RUNDC3A: variants seen among roughly 807,000 people sequenced by gnomAD.
RUNDC3A encodes the protein RUN domain-containing protein 3A.
A neutral mutation model predicts 53.9 loss-of-function variants in RUNDC3A; 28 were observed. The ratio of observed to expected loss-of-function variants is 0.52; its 90% confidence interval spans 0.38 to 0.71. The LOEUF is 0.71. Among genes scored for constraint, RUNDC3A ranks in the 30% least tolerant of loss-of-function variants. RUNDC3A has a pLI of 0.00. For synonymous variants in RUNDC3A, 232 were observed against 249.4 expected (o/e 0.93, Z 0.66); for missense variants, 491 against 597.3 (o/e 0.82, Z 1.85).
chr17:44,308,606 G>T lies in RUNDC3A; in HGVS notation c.-227G>T. On this transcript the variant is annotated 5_prime_UTR_variant, in exon 1 of 11. Transcript: ENST00000426726. ...CTGGAGGAGGGGGTGACGGGGCCCC[G>T]GCTCAGCACCTCGGAGAGCTCCCTC... 4.8e-6 allele frequency: 2 copies of T among 416,196 alleles called. No homozygotes were observed. Among genetic ancestry groups the T allele is most frequent in the Middle Eastern group, 6.1e-4 (1 of 1,632 alleles). The allele number at this position is 416,196 out of a possible 1,614,324, so 25.8% of individuals were successfully genotyped here.
rs546939606 is a variant in RUNDC3A at position 44,318,184 on chromosome 17, C to A, written c.1287C>A (p.Asn429Lys). ...AGTCCCTGGCGAGCTTCAAATCCAA[C>A]GAGTGCCTGGTGAGCGACAGTCCCG... ...SCKSLASFKS[N>K]ECLVSDSPEG... Residue 429 changes from asparagine to lysine, a missense_variant, in exon 11 of 11, where the codon AAC (asparagine) becomes AAA (lysine). Asn to Lys is a moderately conservative substitution (Grantham distance 94, BLOSUM62 0). Transcript: ENST00000426726. 1 of 1,551,512 alleles carries A rather than the reference C, an allele frequency of 6.4e-7. No homozygotes were observed. The highest frequency in any genetic ancestry group is 2.4e-5 in the East Asian group (1 of 40,906).
intron 1 of RUNDC3A, chr17:44,311,398 C>T: frequency 1.1e-6 from 1 of 951,748 alleles, no homozygotes; most frequent in Non-Finnish European, 1.3e-6. Flanking sequence ...CTTGACTACT[C>T]ATAAGCCATG....
chr17:44,317,735 T>C (rs2047899189), intron 10 of RUNDC3A: 3 of 614,798 alleles, frequency 4.9e-6, no homozygotes. Context: ...TCTGTGTGTC[T>C]GTCTCCCCCA....
At chr17:44,309,310 TC>T (rs1303769500) in intron 1 of RUNDC3A, among the ~76,000 whole-genome samples, 1 of 152,096 alleles carries the variant, frequency 6.6e-6, no homozygotes, top group Non-Finnish European at 1.5e-5. Context: ...ATGAATGCCC[TC>T]CAAGCATACC....
chr17:44,318,228 GC>G lies in RUNDC3A; in HGVS notation c.1335del (p.Ser446AlafsTer117). 42 of 1,550,472 alleles carry G rather than the reference GC, an allele frequency of 2.7e-5. No homozygotes were observed. The highest frequency in any genetic ancestry group is 3.7e-5 in the Non-Finnish European group (42 of 1,146,614). The part of the protein sequence containing the change: ...SDSPEGSPAL[S>X]PS ...AGTCCCGAGGGCAGCCCAGCACTGA[GC>G]CCCAGCTGAGGAACAGCATGGGCAG... is the stretch of plus-strand genomic sequence containing the variant. On this transcript the variant is annotated frameshift_variant, in exon 11 of 11. Coordinates refer to ENST00000426726, the MANE Select transcript of RUNDC3A (RefSeq NM_001144825.2). LOFTEE classifies it high-confidence loss of function.
At chr17:44,316,240 G>A (rs1017010576) in intron 8 of RUNDC3A, 145 bp from the exon 9 acceptor site, 17 of 684,376 alleles carry the variant, frequency 2.5e-5, no homozygotes, top group African/African-American at 3.6e-5. Flanking sequence ...ACTTCCTCCC[G>A]GGATCTGGCC....
In RUNDC3A at chr17:44,308,868, G is replaced by A. The variant is rs765085380; in HGVS notation, c.36G>A (p.Leu12=). 1 of 1,612,348 alleles carries A rather than the reference G, an allele frequency of 6.2e-7. No homozygotes were observed. Among genetic ancestry groups the A allele is most frequent in the South Asian group, 1.1e-5 (1 of 90,804 alleles). The change falls in exon 1 of 11, where the codon CTG becomes CTA. Residue 12 remains leucine, a synonymous_variant. Coordinates refer to ENST00000426726, the MANE Select transcript of RUNDC3A (RefSeq NM_001144825.2). ...EASFVQTTMA[L]GLSSKKASSR... ...GCTTTGTCCAGACCACCATGGCTCT[G>A]GGGCTGTCCTCCAAGAAAGCGTCCT...
At position 44,316,394 on chromosome 17, in the gene RUNDC3A, G is replaced by C; in HGVS notation, c.963G>C (p.Leu321=). Residue 321 remains leucine, a synonymous_variant, in exon 9 of 11, where the codon CTG becomes CTC. Transcript: ENST00000426726. ...ILELQEQLTG[L]IPSDHAPLAQ... ...CTCCTCCCCCTCCCAGGACAGGTCT[G>C]ATCCCCAGTGACCACGCCCCTCTGG... The C allele has an allele frequency of 1.2e-6, 2 of 1,613,382 alleles. No homozygotes were observed. Among genetic ancestry groups the C allele is most frequent in the Non-Finnish European group, 1.7e-6 (2 of 1,179,512 alleles).
At chr17:44,309,614 C>T (rs1598321268) in intron 1 of RUNDC3A, among the ~76,000 whole-genome samples, 1 of 152,082 alleles carries the variant, frequency 6.6e-6, no homozygotes, top group African/African-American at 2.4e-5. Flanking sequence ...TTCACTTCAA[C>T]CTGCAGTGAC....
rs748059251 is a variant in RUNDC3A, at chr17:44,308,791, TG to T, written c.-35del. ...GACGGGTTTGGGGCTCCGGGAGGGG[TG>T]GGGGGGCAGCGGGCGGCGGCAGCAG... On this transcript the variant is annotated 5_prime_UTR_variant, in exon 1 of 11. Transcript: ENST00000426726. 2.8e-5 allele frequency: 28 copies of T among 997,002 alleles called. No individual in the cohort carries two copies. Among genetic ancestry groups the T allele is most frequent in the East Asian group, 1.2e-4 (2 of 16,248 alleles). 61.8% of individuals were successfully genotyped at this position (997,002 alleles called of 1,614,324 possible). A position where few individuals can be genotyped will look rare whatever the true frequency, so the allele number is the denominator to read the frequency against.
intron 1 of RUNDC3A, chr17:44,311,078 T>C (rs2047740272): frequency 1.0e-6 from 1 of 985,342 alleles, no homozygotes; most frequent in Non-Finnish European, 1.2e-6. Flanking sequence ...CAAGGCCACG[T>C]GAGTGCCACA....
chr17:44,314,316 C>CG, intron 4 of RUNDC3A: 2 of 1,023,046 alleles, frequency 2.0e-6, no homozygotes, highest in Middle Eastern at 4.9e-4. Flanking sequence ...CTGGGTGTGG[C>CG]GGGGGGCATA....
At chr17:44,317,366 A>G (rs2047888435) in intron 10 of RUNDC3A, 1 of 742,644 alleles carries the variant, frequency 1.3e-6, no homozygotes, top group African/African-American at 1.7e-5. Context: ...TTTTAGTGTC[A>G]TGACATCCTC....
chr17:44,317,389 AC>A (rs2047889097), intron 10 of RUNDC3A: 3 of 767,768 alleles, frequency 3.9e-6, no homozygotes, highest in Non-Finnish European at 7.3e-6. Flanking sequence ...GGGCTCACAA[AC>A]TCTCGGGGAA....
At chr17:44,314,061 T>G (rs1447552807) in intron 4 of RUNDC3A, 2 of 992,990 alleles carry the variant, frequency 2.0e-6, no homozygotes, top group Non-Finnish European at 2.4e-6. Context: ...CGCTCCACCC[T>G]TGCACACCTC....
intron 10 of RUNDC3A, 174 bp from the exon 11 acceptor site, chr17:44,317,922 G>A (rs2047904675): frequency 1.6e-6 from 1 of 627,240 alleles, no homozygotes; most frequent in Non-Finnish European, 2.8e-6. Flanking sequence ...CCCCAGCACG[G>A]TGCCTGGCAC....
chr17:44,313,260 G>A lies in RUNDC3A; in HGVS notation c.372+8G>A, dbSNP rs1373852687. On this transcript the variant is annotated splice_region_variant and intron_variant, in intron 3 of 10. Coordinates refer to ENST00000426726, the MANE Select transcript of RUNDC3A (RefSeq NM_001144825.2). ...AGCACAGCCCGGGCCAAGGTGAGGGGCCTGAAGCAAGCAACTGCTCTCTGC... is the reference window on the plus strand; with the variant it reads ...AGCACAGCCCGGGCCAAGGTGAGGGACCTGAAGCAAGCAACTGCTCTCTGC... The A allele has an allele frequency of 1.2e-6, 2 of 1,613,698 alleles. No homozygotes were observed. Among genetic ancestry groups the A allele is most frequent in the Non-Finnish European group, 1.7e-6 (2 of 1,179,668 alleles).
chr17:44,308,928 C>A lies in RUNDC3A; in HGVS notation c.96C>A (p.Ile32=). ...RNVAVERKNL[I]TVCRFSVKTL... is the part of the protein sequence containing the mutation. ...TGGCTGTGGAGCGTAAGAACCTGATCACCGTGTGCAGGTGGGCACCGCTAG... is the reference window on the plus strand; with the variant it reads ...TGGCTGTGGAGCGTAAGAACCTGATAACCGTGTGCAGGTGGGCACCGCTAG... Residue 32 remains isoleucine, a synonymous_variant, in exon 1 of 11, where the codon ATC becomes ATA. Coordinates refer to ENST00000426726, the MANE Select transcript of RUNDC3A (RefSeq NM_001144825.2). The A allele has an allele frequency of 1.9e-6, 3 of 1,606,470 alleles. No individual in the cohort carries two copies. Among genetic ancestry groups the A allele is most frequent in the Non-Finnish European group, 1.7e-6 (2 of 1,175,992 alleles).
At chr17:44,313,978 A>T (rs982527677) in intron 4 of RUNDC3A, 1 of 991,810 alleles carries the variant, frequency 1.0e-6, no homozygotes, top group African/African-American at 1.7e-5. Flanking sequence ...CCCCAGGACA[A>T]ACTTTTACCA....
Sources: gnomAD v4.1 joint callset for allele counts (sites outside exome capture counted in the v4.1 genomes callset) on GRCh38, gnomAD v4.1.1 for gene constraint, MANE v1.5 for transcripts, NCBI Gene and HGNC (gene_info 2026-07-23, HGNC 2026-07-21) for gene names.